PLCL1: variants seen among roughly 807,000 people sequenced by gnomAD.
PLCL1 encodes phospholipase C like 1 (inactive), also known as inactive phospholipase C-like protein 1.
In PLCL1, 41 loss-of-function variants were observed where a neutral mutation model predicts 84.4. That is an observed-to-expected ratio of 0.49 (90% CI 0.38 to 0.63). The LOEUF (loss-of-function observed/expected upper bound fraction) is 0.63, where lower values mean the gene tolerates loss of function less well. Ranked by LOEUF, PLCL1 falls within the 30% of genes least tolerant of loss-of-function variation. The probability of loss-of-function intolerance (pLI) is 0.00; values close to 1 mark genes in which losing one functional copy is unlikely to be tolerated. For synonymous variants in PLCL1, 490 were observed against 488.3 expected (o/e 1.00, Z -0.05); for missense variants, 1,206 against 1,367.8 (o/e 0.88, Z 1.87).
rs956564177 is a variant in PLCL1 at position 197,851,865 on chromosome 2, A to G, written c.240+46526A>G. ...CATTCCCCTGACTCCACCTCACCCAAACCCTGATGATTATATATTAAGATT... is the reference window on the plus strand; with the variant it reads ...CATTCCCCTGACTCCACCTCACCCAGACCCTGATGATTATATATTAAGATT... On this transcript the variant is annotated intron_variant, in intron 1 of 5. Transcript: ENST00000428675. 2.6e-5 allele frequency among the ~76,000 whole-genome samples: 4 copies of G among 152,174 alleles called. 1 individual carries two copies. Among genetic ancestry groups the G allele is most frequent in the African/African-American group, 7.2e-5 (3 of 41,428 alleles).
intron 1 of PLCL1, among the ~76,000 whole-genome samples, chr2:197,875,060 C>T (rs1479460125): frequency 5.9e-5 from 9 of 151,928 alleles, no homozygotes; most frequent in Admixed American, 4.6e-4. Context: ...CCGAGGTGGG[C>T]GGATCATTTG....
chr2:197,992,663 A>G (rs1690369379), intron 1 of PLCL1, among the ~76,000 whole-genome samples: 2 of 152,160 alleles, frequency 1.3e-5, no homozygotes, highest in African/African-American at 2.4e-5. Context: ...TCATTTCCCC[A>G]TACTGAACGC....
intron 5 of PLCL1, among the ~76,000 whole-genome samples, chr2:198,135,988 A>C (rs1200899626): frequency 3.3e-5 from 5 of 152,176 alleles, no homozygotes; most frequent in Non-Finnish European, 7.4e-5. Context: ...TCCCCCAAGG[A>C]AAGTTGCCAC....
chr2:198,143,054 G>C (rs1694425724), intron 5 of PLCL1, among the ~76,000 whole-genome samples: 1 of 152,084 alleles, frequency 6.6e-6, no homozygotes, highest in African/African-American at 2.4e-5. Flanking sequence ...TAAGACCTCT[G>C]TTTAGGGAGA....
At chr2:198,133,146 A>C (rs1353234599) in intron 5 of PLCL1, among the ~76,000 whole-genome samples, 2 of 151,996 alleles carry the variant, frequency 1.3e-5, no homozygotes. Flanking sequence ...ACAATGATAG[A>C]CTGGATTAAG....
At chr2:197,901,458 G>T (rs1177592760) in intron 1 of PLCL1, among the ~76,000 whole-genome samples, 1 of 152,190 alleles carries the variant, frequency 6.6e-6, no homozygotes, top group Non-Finnish European at 1.5e-5. Context: ...TGGGATTTCT[G>T]TTGGATCTTG....
At chr2:197,819,619 G>A (rs984989287) in intron 1 of PLCL1, among the ~76,000 whole-genome samples, 1 of 151,984 alleles carries the variant, frequency 6.6e-6, no homozygotes, top group African/African-American at 2.4e-5. Flanking sequence ...TTACTAAGCC[G>A]GCTGTCTACT....
intron 1 of PLCL1, among the ~76,000 whole-genome samples, chr2:197,998,542 A>G (rs1225450663): frequency 6.6e-6 from 1 of 152,006 alleles, no homozygotes; most frequent in Non-Finnish European, 1.5e-5. Context: ...CACTCGAACT[A>G]CTTCCTCTCA....
chr2:198,109,804 A>C (rs933912531), intron 5 of PLCL1, among the ~76,000 whole-genome samples: 2 of 151,834 alleles, frequency 1.3e-5, no homozygotes, highest in East Asian at 3.9e-4. Flanking sequence ...TTCCCAATAT[A>C]TATTTTTCTA....
At chr2:198,094,416 T>C (rs1459028624) in intron 3 of PLCL1, among the ~76,000 whole-genome samples, 1 of 152,152 alleles carries the variant, frequency 6.6e-6, no homozygotes, top group South Asian at 2.1e-4. Flanking sequence ...GCAACTGTGT[T>C]GGTATCAAGA....
At chr2:197,995,091 T>C (rs1690430267) in intron 1 of PLCL1, among the ~76,000 whole-genome samples, 1 of 152,222 alleles carries the variant, frequency 6.6e-6, no homozygotes, top group African/African-American at 2.4e-5. Context: ...AAATTACAGG[T>C]ACTAACTTTT....
chr2:197,915,260 A>G (rs1688571855), intron 1 of PLCL1, among the ~76,000 whole-genome samples: 1 of 152,224 alleles, frequency 6.6e-6, no homozygotes, highest in Non-Finnish European at 1.5e-5. Context: ...CTCAAGGATC[A>G]ACCAGTAAAA....
At chr2:197,878,266 G>C (rs1390082304) in intron 1 of PLCL1, among the ~76,000 whole-genome samples, 1 of 152,078 alleles carries the variant, frequency 6.6e-6, no homozygotes, top group Admixed American at 6.6e-5. Context: ...TGGACATTCT[G>C]TTTATTTTTC....
chr2:197,994,866 A>G (rs1205818968), intron 1 of PLCL1, among the ~76,000 whole-genome samples: 1 of 152,228 alleles, frequency 6.6e-6, no homozygotes, highest in African/African-American at 2.4e-5. Flanking sequence ...TGATCCCCAA[A>G]GCAGACGTGT....
chr2:198,055,849 C>G (rs1292311502), intron 1 of PLCL1, among the ~76,000 whole-genome samples: 1 of 152,104 alleles, frequency 6.6e-6, no homozygotes, highest in Non-Finnish European at 1.5e-5. Context: ...ATCACTGTTT[C>G]ATCACCGTGA....
chr2:198,080,844 A>C (rs913068797), intron 1 of PLCL1, among the ~76,000 whole-genome samples: 3 of 152,166 alleles, frequency 2.0e-5, no homozygotes, highest in African/African-American at 7.2e-5. Flanking sequence ...TGGGATTTTG[A>C]TATAAGTTTT....
intron 1 of PLCL1, among the ~76,000 whole-genome samples, chr2:197,943,627 C>CTTTTTTTTTTT (rs5837573): frequency 4.7e-3 from 561 of 119,132 alleles, no homozygotes; most frequent in Non-Finnish European, 5.7e-3. Flanking sequence ...TTGGTTACAT[C>CTTTTTTTTTTT]TTTTTTTTTT....
chr2:197,869,430 T>C (rs188485583), intron 1 of PLCL1, among the ~76,000 whole-genome samples: 15 of 152,318 alleles, frequency 9.8e-5, no homozygotes, highest in African/African-American at 3.4e-4. Context: ...TTTTGATTTA[T>C]ATTTACATAA....
chr2:198,093,911 C>G (rs1693118770), intron 3 of PLCL1, among the ~76,000 whole-genome samples: 2 of 152,152 alleles, frequency 1.3e-5, no homozygotes, highest in East Asian at 3.9e-4. Flanking sequence ...TTCATCTGCA[C>G]AGATTTTTTC....
Sources: allele counts gnomAD v4.1 joint callset (sites outside exome capture counted in the v4.1 genomes callset), GRCh38; gene constraint gnomAD v4.1.1; transcripts MANE v1.5; gene names NCBI Gene and HGNC (gene_info 2026-07-23, HGNC 2026-07-21).